The following PDS5B variants were observed in gnomAD, a reference collection of about 807,000 sequenced individuals.
PDS5B encodes the protein sister chromatid cohesion protein PDS5 homolog B.
A neutral mutation model predicts 184.1 loss-of-function variants in PDS5B; 51 were observed. The ratio of observed to expected loss-of-function variants is 0.28; its 90% CI spans 0.22 to 0.35. The LOEUF (loss-of-function observed/expected upper bound fraction) is 0.35. Among genes scored for constraint, PDS5B ranks in the 10% least tolerant of loss-of-function variants. PDS5B has a pLI of 1.00. For missense variants in PDS5B, 1,180 were observed against 1,723.3 expected (o/e 0.68, Z 5.58); for synonymous variants, 566 against 569.2 (o/e 0.99, Z 0.08).
chr13:32,604,928 A>G (rs1432202734), intron 1 of PDS5B, among the ~76,000 whole-genome samples: 1 of 152,154 alleles, frequency 6.6e-6, no homozygotes. Context: ...TATCCCATTC[A>G]TCATTTTTTA....
At chr13:32,690,250 TC>T (rs1300023765) in intron 13 of PDS5B, 2 of 152,216 alleles carry the variant, frequency 1.3e-5, no homozygotes, top group Admixed American at 6.6e-5. Flanking sequence ...TTCCTGAGTG[TC>T]CCTGGAATCC....
chr13:32,613,937 A>T (rs941724614), intron 1 of PDS5B, among the ~76,000 whole-genome samples: 2 of 152,206 alleles, frequency 1.3e-5, no homozygotes, highest in African/African-American at 2.4e-5. Flanking sequence ...AGGCATGCAC[A>T]TTCATTCTTT....
chr13:32,628,225 T>C (rs1205734968), intron 1 of PDS5B, among the ~76,000 whole-genome samples: 2 of 152,168 alleles, frequency 1.3e-5, no homozygotes. Context: ...GCTCAAATCA[T>C]TTCTATATTC....
chr13:32,718,132 A>C (rs1952542066), intron 19 of PDS5B, among the ~76,000 whole-genome samples: 1 of 151,376 alleles, frequency 6.6e-6, no homozygotes, highest in South Asian at 2.1e-4. Context: ...ATCATTTTTG[A>C]TAGATGCTGA....
At chr13:32,654,865 A>AT (rs562691249) in intron 3 of PDS5B, among the ~76,000 whole-genome samples, 33 of 152,116 alleles carry the variant, frequency 2.2e-4, no homozygotes, top group African/African-American at 7.7e-4. Context: ...ACATAATCTC[A>AT]TTTTTTATGG....
chr13:32,745,791 A>T (rs916194432), intron 23 of PDS5B, among the ~76,000 whole-genome samples, 186 bp from the exon 24 acceptor site: 1 of 152,162 alleles, frequency 6.6e-6, no homozygotes, highest in Non-Finnish European at 1.5e-5. Flanking sequence ...CAAAGGCTCC[A>T]CCTCCTAATA....
chr13:32,607,944 C>G (rs1013790484), intron 1 of PDS5B, among the ~76,000 whole-genome samples: 2 of 152,214 alleles, frequency 1.3e-5, no homozygotes, highest in African/African-American at 4.8e-5. Flanking sequence ...TCCTGATTTT[C>G]CAGGTACTGT....
At chr13:32,692,035 A>G (rs565247154) in intron 13 of PDS5B, among the ~76,000 whole-genome samples, 1 of 152,208 alleles carries the variant, frequency 6.6e-6, no homozygotes, top group South Asian at 2.1e-4. Context: ...ATTACATTCT[A>G]GTCCTGAAGT....
intron 19 of PDS5B, among the ~76,000 whole-genome samples, chr13:32,720,948 A>T (rs1004516707): frequency 3.9e-5 from 6 of 152,150 alleles, no homozygotes; most frequent in Admixed American, 3.3e-4. Context: ...TTCAGAGAGC[A>T]CGGGGTTGGG....
At chr13:32,675,762 G>T in intron 8 of PDS5B, 82 bp from the exon 9 acceptor site, 1 of 717,742 alleles carries the variant, frequency 1.4e-6, no homozygotes, top group South Asian at 2.0e-5. Context: ...TGGAGCATCA[G>T]GGAAATTATG....
intron 19 of PDS5B, among the ~76,000 whole-genome samples, chr13:32,727,140 T>C (rs1174216001): frequency 6.6e-6 from 1 of 152,180 alleles, no homozygotes; most frequent in Non-Finnish European, 1.5e-5. Context: ...ATGTCTGCTT[T>C]CCTTGAGATT....
At chr13:32,727,736 T>C (rs1330759962) in intron 19 of PDS5B, among the ~76,000 whole-genome samples, 1 of 152,168 alleles carries the variant, frequency 6.6e-6, no homozygotes, top group East Asian at 1.9e-4. Context: ...TTTATCCAAA[T>C]GAATAATAAT....
At chr13:32,696,649 A>G (rs932421494) in intron 14 of PDS5B, among the ~76,000 whole-genome samples, 18 of 152,158 alleles carry the variant, frequency 1.2e-4, no homozygotes, top group Non-Finnish European at 2.1e-4. Flanking sequence ...GAGGGAAGAC[A>G]TGATTAAAGT....
At position 32,667,680 on chromosome 13, in the gene PDS5B, A is replaced by T. The variant is rs923404797; in HGVS notation, c.625-84A>T. On this transcript the variant is annotated intron_variant, in intron 6 of 34. Coordinates refer to ENST00000315596, the MANE Select transcript of PDS5B (RefSeq NM_015032.4). ...TGAGTCTTAGTTTTTTCATTCATTT[A>T]CTCAAGTAGCATTTTGAATACAGGT... 3.9e-6 allele frequency: 3 copies of T among 762,304 alleles called. No individual in the cohort carries two copies. In the African/African-American group the frequency reaches 5.6e-5, roughly 14 times the overall value. 47.2% of individuals were successfully genotyped at this position (762,304 alleles called of 1,614,324 possible).
intron 1 of PDS5B, among the ~76,000 whole-genome samples, chr13:32,625,854 T>C (rs1024599470): frequency 6.6e-6 from 1 of 151,610 alleles, no homozygotes; most frequent in Non-Finnish European, 1.5e-5. Flanking sequence ...TTTTTTTTTT[T>C]TGAGACAGGG....
chr13:32,770,353 A>G lies in PDS5B; in HGVS notation c.3857A>G (p.Lys1286Arg), dbSNP rs1428394234. Residue 1286 changes from lysine (K) to arginine (R), a missense_variant, in exon 32 of 35, where the codon AAA becomes AGA. By Grantham distance (26) the Lys-to-Arg change is conservative. Coordinates refer to ENST00000315596, the MANE Select transcript of PDS5B (RefSeq NM_015032.4). ...GAAGATGAACAGAATAGTCCGCCAA[A>G]AAAGGGTAAAAGAGGCCGACCACCA... Reference protein sequence around the residue: ...ENEDEQNSPPKKGKRGRPPKP... With the variant: ...ENEDEQNSPPRKGKRGRPPKP... 6.2e-7 allele frequency: 1 copy of G among 1,613,738 alleles called. No homozygotes were observed. Among genetic ancestry groups the G allele is most frequent in the East Asian group, 2.2e-5 (1 of 44,858 alleles).
At chr13:32,604,012 C>T (rs1395324319) in intron 1 of PDS5B, among the ~76,000 whole-genome samples, 1 of 152,194 alleles carries the variant, frequency 6.6e-6, no homozygotes, top group East Asian at 1.9e-4. Context: ...ACAGTCATGT[C>T]ATCTGCAAGC....
chr13:32,675,989 T>C, intron 9 of PDS5B, 30 bp downstream of exon 9: 1 of 1,258,318 alleles, frequency 7.9e-7, no homozygotes, highest in Non-Finnish European at 1.2e-6. Flanking sequence ...CATTTAAAAG[T>C]AATACATTAT....
chr13:32,732,636 AG>A (rs1381738677), intron 20 of PDS5B, among the ~76,000 whole-genome samples: 4 of 152,142 alleles, frequency 2.6e-5, no homozygotes, highest in Non-Finnish European at 5.9e-5. Context: ...GTTAATATAA[AG>A]TAAGTTTATA....
Sources: gnomAD v4.1 joint callset for allele counts (sites outside exome capture counted in the v4.1 genomes callset) on GRCh38, gnomAD v4.1.1 for gene constraint, MANE v1.5 for transcripts, NCBI Gene and HGNC (gene_info 2026-07-23, HGNC 2026-07-21) for gene names.